FNDC1: variants seen among roughly 807,000 people sequenced by gnomAD.
FNDC1 encodes fibronectin type III domain-containing protein 1.
Under a neutral mutation model 168.0 loss-of-function variants are expected in FNDC1, and 96 were observed. That is an observed-to-expected ratio of 0.57 (90% CI 0.48 to 0.68). The LOEUF is 0.68. FNDC1 is among the 30% of genes least tolerant of loss of function. The pLI is 0.00. For synonymous variants in FNDC1, 1,099 were observed against 1,025.9 expected (o/e 1.07, Z -1.36); for missense variants, 2,587 against 2,482.1 (o/e 1.04, Z -0.90).
intron 22 of FNDC1, among the ~76,000 whole-genome samples, chr6:159,269,589 GTCTGTCTGTCTATCTATCTATCTA>G (rs1375502603): frequency 2.3e-3 from 230 of 100,852 alleles, no homozygotes; most frequent in African/African-American, 9.9e-3. Flanking sequence ...CTGTCTGTCT[GTCTGTCTGTCTATCTATCTATCTA>G]TCTATCTATC....
In FNDC1 at chr6:159,267,883, A is replaced by C. The variant is rs1262107263; in HGVS notation, c.5526A>C (p.Arg1842Ser). ...TTGTGGATTCACACCTTGATGGAAGAACAGGGCCTCAGTCCTATGTAGAAG... is the reference window on the plus strand; with the variant it reads ...TTGTGGATTCACACCTTGATGGAAGCACAGGGCCTCAGTCCTATGTAGAAG... ...CQFVDSHLDG[R>S]TGPQSYVEAL... Residue 1842 changes from arginine to serine, a missense_variant, in exon 22 of 23, where the codon AGA becomes AGC. Physicochemically the swap from Arg to Ser is moderately radical, Grantham distance 110. Coordinates refer to ENST00000297267, the MANE Select transcript of FNDC1 (RefSeq NM_032532.3). 9 of 1,612,954 alleles carry C rather than the reference A, an allele frequency of 5.6e-6. No individual in the cohort carries two copies. The highest frequency in any genetic ancestry group is 7.6e-6 in the Non-Finnish European group (9 of 1,179,474).
At chr6:159,251,599 G>T (rs1167754160) in intron 17 of FNDC1, 67 bp downstream of exon 17, 3 of 1,320,248 alleles carry the variant, frequency 2.3e-6, no homozygotes, top group Non-Finnish European at 3.2e-6. Flanking sequence ...ATAAAGAATG[G>T]TGGATGAGTG....
intron 7 of FNDC1, among the ~76,000 whole-genome samples, chr6:159,223,922 T>G (rs1041945383): frequency 1.3e-5 from 2 of 152,204 alleles, no homozygotes; most frequent in Non-Finnish European, 2.9e-5. Context: ...GTCTGGAAAT[T>G]TCCTAGATTC....
chr6:159,226,478 A>C lies in FNDC1; in HGVS notation c.1078A>C (p.Thr360Pro). 6.2e-7 allele frequency: 1 copy of C among 1,611,364 alleles called. No individual in the cohort carries two copies. Among genetic ancestry groups the C allele is most frequent in the African/African-American group, 1.3e-5 (1 of 74,944 alleles). ...VFQRTPESAP[T>P]TAPENLNVWP... is the part of the protein sequence containing the mutation. ...CTTTCCTTGTCATTTTGTAGCCCCTACCACAGCTCCTGAAAACTTGAACGT... is the reference window on the plus strand; with the variant it reads ...CTTTCCTTGTCATTTTGTAGCCCCTCCCACAGCTCCTGAAAACTTGAACGT... Residue 360 changes from threonine (T) to proline (P), a missense_variant, in exon 9 of 23, where the codon ACC (threonine) becomes CCC (proline). Physicochemically the swap from Thr to Pro is conservative, Grantham distance 38. Coordinates refer to ENST00000297267, the MANE Select transcript of FNDC1 (RefSeq NM_032532.3).
Position 159,229,957 on chromosome 6 carries a change from A to C in FNDC1, c.1323A>C (p.Arg441Ser), listed in dbSNP as rs768204692. The C allele has an allele frequency of 6.2e-7, 1 of 1,613,920 alleles. No individual in the cohort carries two copies. The highest frequency in any genetic ancestry group is 1.7e-5 in the Admixed American group (1 of 60,014). The change falls in exon 10 of 23, where the codon AGA (arginine) becomes AGC (serine). Residue 441 changes from arginine (R) to serine (S), a missense_variant. Arg to Ser is a moderately radical substitution (Grantham distance 110, BLOSUM62 -1). Coordinates refer to ENST00000297267, the MANE Select transcript of FNDC1 (RefSeq NM_032532.3). ...TCAAAATCCGGGCCACAAACAGGAG[A>C]GGCCTGGGACCTCACTCCAAAGCCT... ...YLFKIRATNR[R>S]GLGPHSKAFI...
chr6:159,258,994 C>T (rs774826926), intron 18 of FNDC1, among the ~76,000 whole-genome samples: 1 of 152,178 alleles, frequency 6.6e-6, no homozygotes, highest in Non-Finnish European at 1.5e-5. Flanking sequence ...TTTAAGTGAG[C>T]ATTGTCTACC....
At chr6:159,262,657 T>G (rs1777509089) in intron 19 of FNDC1, among the ~76,000 whole-genome samples, 1 of 152,076 alleles carries the variant, frequency 6.6e-6, no homozygotes, top group African/African-American at 2.4e-5. Context: ...TTTCTGAGAG[T>G]AAAAGTGATA....
At chr6:159,200,817 G>A (rs773361128) in intron 4 of FNDC1, among the ~76,000 whole-genome samples, 3 of 152,226 alleles carry the variant, frequency 2.0e-5, no homozygotes, top group Non-Finnish European at 4.4e-5. Flanking sequence ...AAGTGTCTGC[G>A]TCTACATCTG....
chr6:159,171,228 C>T (rs947811949), intron 1 of FNDC1, among the ~76,000 whole-genome samples: 2 of 152,180 alleles, frequency 1.3e-5, no homozygotes, highest in Non-Finnish European at 2.9e-5. Context: ...CTTCTCTCTA[C>T]TGTGTTGACG....
At chr6:159,223,157 A>G (rs449473) in intron 6 of FNDC1, among the ~76,000 whole-genome samples, 75,271 of 151,340 alleles carry the variant, frequency 0.5, 21,083 homozygotes, top group African/African-American at 0.75. Context: ...CACCACACCC[A>G]GCTAATTTCT....
intron 14 of FNDC1, among the ~76,000 whole-genome samples, chr6:159,242,374 A>C (rs1356589246): frequency 6.6e-6 from 1 of 152,144 alleles, no homozygotes; most frequent in Non-Finnish European, 1.5e-5. Flanking sequence ...AAAAATAGCT[A>C]ATGCATGCAG....
At chr6:159,260,471 C>T (rs1428844983) in intron 18 of FNDC1, among the ~76,000 whole-genome samples, 5 of 152,208 alleles carry the variant, frequency 3.3e-5, no homozygotes, top group Non-Finnish European at 7.3e-5. Context: ...GCCTCTCTCT[C>T]CGGATCTTTC....
At chr6:159,181,589 T>A (rs1031632162) in intron 1 of FNDC1, among the ~76,000 whole-genome samples, 4 of 152,124 alleles carry the variant, frequency 2.6e-5, no homozygotes, top group African/African-American at 9.7e-5. Flanking sequence ...CTAATAAACT[T>A]CCGCTTGCCA....
intron 18 of FNDC1, among the ~76,000 whole-genome samples, chr6:159,257,075 G>T (rs1408050215): frequency 2.6e-5 from 4 of 152,354 alleles, no homozygotes; most frequent in African/African-American, 9.6e-5. Context: ...TTACACATTT[G>T]TAGAGGTTAT....
chr6:159,261,844 G>A (rs953529769), intron 19 of FNDC1, among the ~76,000 whole-genome samples: 3 of 152,164 alleles, frequency 2.0e-5, no homozygotes, highest in Non-Finnish European at 4.4e-5. Flanking sequence ...GCTCATGCCT[G>A]TAATCCCAAC....
chr6:159,204,568 C>T lies in FNDC1; in HGVS notation c.460+3987C>T, dbSNP rs577924192. ...CTTCTTTACTTTATCCAGGTCCCAT[C>T]ATTCCAACCACACTCCACATGCAGG... is the stretch of plus-strand genomic sequence containing the variant. On this transcript the variant is annotated intron_variant, in intron 4 of 22. Coordinates refer to ENST00000297267, the MANE Select transcript of FNDC1 (RefSeq NM_032532.3). Among the ~76,000 whole-genome samples the T allele has an allele frequency of 4.6e-5, 7 of 152,312 alleles. No individual in the cohort carries two copies. The East Asian group carries it at 1.4e-3, about 29-fold the overall frequency.
intron 1 of FNDC1, among the ~76,000 whole-genome samples, chr6:159,173,973 C>T (rs1203503266): frequency 3.9e-5 from 6 of 152,182 alleles, no homozygotes; most frequent in Non-Finnish European, 8.8e-5. Context: ...GGAGAGGCTC[C>T]ATCACCCTTG....
intron 1 of FNDC1, among the ~76,000 whole-genome samples, chr6:159,195,803 A>G (rs1782231327): frequency 6.6e-6 from 1 of 152,246 alleles, no homozygotes; most frequent in Admixed American, 6.5e-5. Flanking sequence ...TAGGTTTTAC[A>G]GTTCTCACAT....
chr6:159,228,134 T>C (rs1027708026), intron 9 of FNDC1, among the ~76,000 whole-genome samples: 8 of 152,208 alleles, frequency 5.3e-5, no homozygotes, highest in African/African-American at 1.9e-4. Context: ...ACTCTTCCTC[T>C]CTCCCTCATC....
Sources: allele counts gnomAD v4.1 joint callset (sites outside exome capture counted in the v4.1 genomes callset), GRCh38; gene constraint gnomAD v4.1.1; transcripts MANE v1.5; gene names NCBI Gene and HGNC (gene_info 2026-07-23, HGNC 2026-07-21).